Variants in SUGCT observed in about 807,000 individuals in gnomAD.
SUGCT encodes the protein succinyl-CoA:glutarate CoA-transferase.
Under a neutral mutation model 55.0 loss-of-function variants are expected in SUGCT, and 41 were observed. That is an observed-to-expected ratio of 0.74 (90% CI 0.58 to 0.97). The LOEUF (loss-of-function observed/expected upper bound fraction) is 0.97, where lower values mean the gene tolerates loss of function less well. Among genes scored for constraint, SUGCT ranks in the 50% least tolerant of loss-of-function variants. The probability of loss-of-function intolerance (pLI) is 0.00; values close to 1 mark genes in which losing one functional copy is unlikely to be tolerated. For missense variants in SUGCT, 568 were observed against 547.8 expected (o/e 1.04, Z -0.37); for synonymous variants, 187 against 200.4 (o/e 0.93, Z 0.56).
At chr7:40,194,144 T>C (rs2150746243) in intron 5 of SUGCT, among the ~76,000 whole-genome samples, 1 of 152,262 alleles carries the variant, frequency 6.6e-6, no homozygotes, top group South Asian at 2.1e-4. Flanking sequence ...TTAAAACTCT[T>C]TGGGAAGAAT....
chr7:40,187,143 G>A (rs1402354148), intron 3 of SUGCT, among the ~76,000 whole-genome samples: 2 of 152,118 alleles, frequency 1.3e-5, no homozygotes, highest in African/African-American at 4.8e-5. Flanking sequence ...TAGGGACATG[G>A]ATGAAGCTGG....
intron 12 of SUGCT, among the ~76,000 whole-genome samples, chr7:40,505,480 A>G (rs1451107435): frequency 6.6e-6 from 1 of 152,066 alleles, no homozygotes; most frequent in Non-Finnish European, 1.5e-5. Flanking sequence ...ATTTTCTAGC[A>G]TACAATTTTA....
chr7:40,747,946 C>T (rs1416109586), intron 12 of SUGCT, among the ~76,000 whole-genome samples: 1 of 152,066 alleles, frequency 6.6e-6, no homozygotes, highest in East Asian at 1.9e-4. Context: ...TTTTGCTTAC[C>T]CCCAGGGAAA....
chr7:40,464,194 CCAA>C (rs1789971747), intron 11 of SUGCT, among the ~76,000 whole-genome samples: 1 of 152,160 alleles, frequency 6.6e-6, no homozygotes, highest in Admixed American at 6.5e-5. Context: ...CCTCTCTTCA[CCAA>C]CATTTATTGG....
intron 9 of SUGCT, among the ~76,000 whole-genome samples, chr7:40,328,063 T>G (rs2151139514): frequency 6.6e-6 from 1 of 152,292 alleles, no homozygotes; most frequent in East Asian, 1.9e-4. Flanking sequence ...CAATGCTGCA[T>G]GTTTAGTTTC....
intron 13 of SUGCT, among the ~76,000 whole-genome samples, chr7:40,755,061 G>C (rs1043845191): frequency 6.6e-6 from 1 of 152,116 alleles, no homozygotes; most frequent in South Asian, 2.1e-4. Flanking sequence ...AAACAGGGAG[G>C]GGGCAGGCTC....
intron 13 of SUGCT, 138 bp from the exon 14 acceptor site, chr7:40,860,178 C>A (rs185995404): frequency 3.0e-6 from 3 of 988,380 alleles, no homozygotes; most frequent in East Asian, 4.8e-5. Flanking sequence ...ATTTCCAAAA[C>A]GTTGATGCAT....
In SUGCT at chr7:40,140,042, A is replaced by G. The variant is rs146014007; in HGVS notation, c.100+4922A>G. ...CTTATCCTCCCAAGTAGCTGGGATT[A>G]CAGGCATGCGCCACCATGCCCCGCG... is the stretch of plus-strand genomic sequence containing the variant. On this transcript the variant is annotated intron_variant, in intron 1 of 13. Transcript: ENST00000335693. Among the ~76,000 whole-genome samples the G allele has an allele frequency of 4.1e-4, 63 of 152,002 alleles. No individual in the cohort carries two copies. In the East Asian group the frequency reaches 0.011, roughly 25 times the overall value.
chr7:40,783,817 C>A (rs527781005), intron 13 of SUGCT, among the ~76,000 whole-genome samples: 1 of 152,254 alleles, frequency 6.6e-6, no homozygotes. Flanking sequence ...TTAGACATTT[C>A]TCAGTTATTT....
intron 12 of SUGCT, among the ~76,000 whole-genome samples, chr7:40,507,760 G>A (rs1004231769): frequency 1.3e-5 from 2 of 152,144 alleles, no homozygotes; most frequent in African/African-American, 4.8e-5. Context: ...GCAACCTGAT[G>A]AATACTTTCA....
At chr7:40,228,982 T>G (rs1440883800) in intron 6 of SUGCT, among the ~76,000 whole-genome samples, 1 of 152,218 alleles carries the variant, frequency 6.6e-6, no homozygotes, top group Non-Finnish European at 1.5e-5. Flanking sequence ...GGCTTCTGCG[T>G]CTTTTTGACA....
At chr7:40,443,045 C>A (rs1247817290) in intron 9 of SUGCT, among the ~76,000 whole-genome samples, 2 of 152,186 alleles carry the variant, frequency 1.3e-5, no homozygotes, top group Non-Finnish European at 2.9e-5. Flanking sequence ...CTACAAAGGA[C>A]ATGAACTCAT....
rs1165575758 is a variant in SUGCT, at chr7:40,811,997, GC to G, written c.1154-48318del. Reference sequence around the variant, plus strand: ...GAAGGGATGTTGGATTTTTTTGAAAGCTTTTTCCATGGAGATCATATGGTTT... The same window carrying G: ...GAAGGGATGTTGGATTTTTTTGAAAGTTTTTCCATGGAGATCATATGGTTT... On this transcript the variant is annotated intron_variant, in intron 13 of 13. Coordinates refer to ENST00000335693, the MANE Select transcript of SUGCT (RefSeq NM_001193313.2). Among the ~76,000 whole-genome samples the G allele has an allele frequency of 3.9e-5, 6 of 152,182 alleles. No individual in the cohort carries two copies. In the East Asian group the frequency reaches 1.2e-3, roughly 29 times the overall value.
chr7:40,958,572 T>C, the SUGCT span, among the ~76,000 whole-genome samples: 1 of 152,008 alleles, frequency 6.6e-6, no homozygotes, highest in African/African-American at 2.4e-5. Flanking sequence ...TAACCTTTTA[T>C]CAAGGTTCTT....
intron 6 of SUGCT, among the ~76,000 whole-genome samples, chr7:40,205,546 C>T (rs895559311): frequency 6.3e-5 from 9 of 143,182 alleles, no homozygotes; most frequent in East Asian, 2.2e-4. Flanking sequence ...GAGGCTGAGG[C>T]GGGAGAATCA....
rs143710870 is a variant in SUGCT, at chr7:40,212,318, G to A, written c.484+17258G>A. Among the ~76,000 whole-genome samples the A allele has an allele frequency of 2.1e-3, 316 of 151,818 alleles. 1 individual carries two copies. Among genetic ancestry groups the A allele is most frequent in the Non-Finnish European group, 3.1e-3 (209 of 67,940 alleles). On this transcript the variant is annotated intron_variant, in intron 6 of 13. Transcript: ENST00000335693. ...CACATGCCTTTAGTCTTATTTATTT[G>A]GGAAGCTGAGGCAAGAGGATTGCTT...
intron 7 of SUGCT, among the ~76,000 whole-genome samples, chr7:40,244,768 C>A (rs868187541): frequency 2.6e-5 from 4 of 152,082 alleles, no homozygotes; most frequent in Non-Finnish European, 4.4e-5. Flanking sequence ...TCACATAATA[C>A]TAAATCCATA....
chr7:40,257,770 A>T (rs1288567479), intron 7 of SUGCT, among the ~76,000 whole-genome samples: 1 of 152,126 alleles, frequency 6.6e-6, no homozygotes, highest in East Asian at 1.9e-4. Context: ...GCTACTCGGG[A>T]GGCTGAGGTG....
intron 9 of SUGCT, among the ~76,000 whole-genome samples, chr7:40,377,043 G>T: frequency 6.7e-6 from 1 of 150,220 alleles, no homozygotes; most frequent in Non-Finnish European, 1.5e-5. Flanking sequence ...TTCCCATATA[G>T]GTGATTATCC....
Sources: gnomAD v4.1 joint callset for allele counts (sites outside exome capture counted in the v4.1 genomes callset) on GRCh38, gnomAD v4.1.1 for gene constraint, MANE v1.5 for transcripts, NCBI Gene and HGNC (gene_info 2026-07-23, HGNC 2026-07-21) for gene names.